The following FNDC3A variants were observed in gnomAD, a reference collection of about 807,000 sequenced individuals.
The protein encoded by FNDC3A is fibronectin type III domain containing 3A.
FNDC3A carries 32 observed loss-of-function variants against 148.9 expected under a neutral mutation model. The observed-to-expected ratio is 0.21, with a 90% CI of 0.16 to 0.29. The LOEUF is 0.29. Among genes scored for constraint, FNDC3A ranks in the 10% least tolerant of loss-of-function variants. FNDC3A has a pLI of 1.00. For missense variants in FNDC3A, 1,191 were observed against 1,452.8 expected, an observed-to-expected ratio of 0.82 and a Z score of 2.93; for synonymous variants, 472 against 473.6, an observed-to-expected ratio of 1.00 and a Z score of 0.04.
At chr13:49,166,036 T>G (rs1443554745) in intron 8 of FNDC3A, among the ~76,000 whole-genome samples, 5 of 152,008 alleles carry the variant, frequency 3.3e-5, no homozygotes, top group African/African-American at 1.2e-4. Flanking sequence ...CCTCAGGCCC[T>G]CCAGTGGTGT....
At chr13:49,093,790 A>G (rs557075313) in intron 3 of FNDC3A, among the ~76,000 whole-genome samples, 1 of 152,270 alleles carries the variant, frequency 6.6e-6, no homozygotes, top group Non-Finnish European at 1.5e-5. Context: ...TATTATACCA[A>G]ATACTCTACT....
chr13:48,984,779 G>T (rs1384164327), intron 1 of FNDC3A, among the ~76,000 whole-genome samples: 1 of 152,118 alleles, frequency 6.6e-6, no homozygotes, highest in Non-Finnish European at 1.5e-5. Flanking sequence ...CCGCCTCCCA[G>T]GTTCAAGCGA....
intron 2 of FNDC3A, among the ~76,000 whole-genome samples, chr13:49,027,537 T>C (rs1285185665): frequency 6.6e-6 from 1 of 152,186 alleles, no homozygotes; most frequent in African/African-American, 2.4e-5. Context: ...GCTTATAAGG[T>C]ATAAAAATGT....
At chr13:49,179,847 C>G (rs1185234553) in intron 14 of FNDC3A, among the ~76,000 whole-genome samples, 1 of 152,110 alleles carries the variant, frequency 6.6e-6, no homozygotes, top group Non-Finnish European at 1.5e-5. Flanking sequence ...TGGAATTGGC[C>G]ATTTCTCAAA....
chr13:49,005,644 T>G (rs1416005099), intron 1 of FNDC3A, among the ~76,000 whole-genome samples: 1 of 151,946 alleles, frequency 6.6e-6, no homozygotes, highest in Non-Finnish European at 1.5e-5. Context: ...TTTACCATTG[T>G]GTTTTGTCTG....
intron 2 of FNDC3A, among the ~76,000 whole-genome samples, chr13:49,061,357 A>C (rs149965135): frequency 0.76 from 5,220 of 6,850 alleles, 2,262 homozygotes; most frequent in South Asian, 0.88. Flanking sequence ...CCCTTCCCTT[A>C]CCTTCCCTTC....
chr13:49,172,577 G>A (rs375337629), intron 11 of FNDC3A, among the ~76,000 whole-genome samples: 12 of 152,136 alleles, frequency 7.9e-5, no homozygotes, highest in African/African-American at 2.7e-4. Flanking sequence ...CTCATTACTT[G>A]GTTCATGGCC....
chr13:49,199,741 G>A (rs1358114937), intron 23 of FNDC3A, among the ~76,000 whole-genome samples: 1 of 152,150 alleles, frequency 6.6e-6, no homozygotes, highest in Non-Finnish European at 1.5e-5. Flanking sequence ...CACGCTAAAT[G>A]AATACAGTTC....
intron 1 of FNDC3A, among the ~76,000 whole-genome samples, chr13:48,978,199 T>G (rs1303274490): frequency 6.6e-6 from 1 of 152,182 alleles, no homozygotes; most frequent in Non-Finnish European, 1.5e-5. Flanking sequence ...ACTAGTCACA[T>G]TTCTACAATA....
chr13:49,104,927 T>C (rs1450046830), intron 3 of FNDC3A, among the ~76,000 whole-genome samples: 1 of 152,164 alleles, frequency 6.6e-6, no homozygotes, highest in Admixed American at 6.5e-5. Flanking sequence ...ATGCTAACTA[T>C]CAAATGATCA....
intron 8 of FNDC3A, among the ~76,000 whole-genome samples, chr13:49,158,589 G>A (rs1251104811): frequency 6.6e-6 from 1 of 152,200 alleles, no homozygotes; most frequent in East Asian, 1.9e-4. Flanking sequence ...TCTGATGGTA[G>A]TTTATTTTGC....
intron 3 of FNDC3A, chr13:49,110,233 G>T: frequency 1.2e-6 from 1 of 804,172 alleles, no homozygotes; most frequent in South Asian, 3.0e-5. Context: ...CCTTTCCTGG[G>T]TCACTGCAGG....
At chr13:49,042,639 C>T (rs1336924608) in intron 2 of FNDC3A, among the ~76,000 whole-genome samples, 1 of 151,998 alleles carries the variant, frequency 6.6e-6, no homozygotes, top group Non-Finnish European at 1.5e-5. Flanking sequence ...AGGTATGGTG[C>T]TGCATGCCTG....
chr13:49,117,643 T>TA (rs1881054642), intron 4 of FNDC3A, among the ~76,000 whole-genome samples: 1 of 152,238 alleles, frequency 6.6e-6, no homozygotes, highest in South Asian at 2.1e-4. Context: ...CGTACAGACT[T>TA]TCTTGTCACA....
At chr13:49,174,610 A>C in intron 12 of FNDC3A, 51 bp downstream of exon 12, 1 of 1,475,462 alleles carries the variant, frequency 6.8e-7, no homozygotes, top group Non-Finnish European at 9.3e-7. Context: ...TATCAAGTCA[A>C]CGTCAATTGT....
intron 16 of FNDC3A, 148 bp from the exon 17 acceptor site, chr13:49,188,367 A>G (rs1335654851): frequency 1.6e-6 from 1 of 622,572 alleles, no homozygotes; most frequent in Non-Finnish European, 2.9e-6. Context: ...AAATTAGATC[A>G]TTTCCAGGAA....
intron 2 of FNDC3A, among the ~76,000 whole-genome samples, chr13:49,042,057 C>T (rs1460524200): frequency 6.6e-6 from 1 of 151,990 alleles, no homozygotes; most frequent in African/African-American, 2.4e-5. Flanking sequence ...CGTCAGGGAG[C>T]GTCTTCCTGA....
In FNDC3A at chr13:49,198,148, G is replaced by A. The variant is rs765869501; in HGVS notation, c.2657G>A (p.Cys886Tyr). The A allele has an allele frequency of 5.0e-6, 8 of 1,614,176 alleles. No homozygotes were observed. The Middle Eastern group carries it at 4.9e-4, about 100-fold the overall frequency. ...TCLAISWEKPCDHGSEILAYS... is the reference protein window; with the variant it reads ...TCLAISWEKPYDHGSEILAYS... ...CTTGCAATAAGCTGGGAAAAGCCTT[G>A]TGATCATGGTTCGGAAATCCTTGCC... The change falls in exon 22 of 26, where the codon TGT (cysteine) becomes TAT (tyrosine). Residue 886 changes from cysteine (C) to tyrosine (Y), a missense_variant. Transcript: ENST00000492622.
intron 8 of FNDC3A, among the ~76,000 whole-genome samples, chr13:49,163,048 C>T (rs1306495365): frequency 6.6e-6 from 1 of 152,204 alleles, no homozygotes; most frequent in Admixed American, 6.5e-5. Flanking sequence ...CAATCAGCCC[C>T]TACTGGGAGG....
Sources: gnomAD v4.1 joint callset for allele counts (sites outside exome capture counted in the v4.1 genomes callset) on GRCh38, gnomAD v4.1.1 for gene constraint, MANE v1.5 for transcripts, NCBI Gene and HGNC (gene_info 2026-07-23, HGNC 2026-07-21) for gene names.